The following TPR variants were observed in gnomAD, a reference collection of about 807,000 sequenced individuals.
TPR encodes nucleoprotein TPR.
Under a neutral mutation model 316.1 loss-of-function variants are expected in TPR, and 51 were observed. The ratio of observed to expected loss-of-function variants is 0.16; its 90% CI spans 0.13 to 0.20. TPR has a LOEUF of 0.20. Ranked by LOEUF, TPR falls within the 10% of genes least tolerant of loss-of-function variation. The pLI is 1.00. For synonymous variants in TPR, 981 were observed against 914.7 expected (o/e 1.07, Z -1.31); for missense variants, 2,272 against 2,754.8 (o/e 0.82, Z 3.92).
Position 186,313,950 on chromosome 1 carries a change from T to C in TPR, c.*21A>G, listed in dbSNP as rs370450064. 1.1e-5 allele frequency: 17 copies of C among 1,608,092 alleles called. No individual in the cohort carries two copies. In the African/African-American group the frequency reaches 1.9e-4, roughly 18 times the overall value. On this transcript the variant is annotated 3_prime_UTR_variant, in exon 51 of 51. Coordinates refer to ENST00000367478, the MANE Select transcript of TPR (RefSeq NM_003292.3). ...ACAGATTTGATAATCTTATTCACAG[T>C]TGTTATTGTTTACAGACCATTTAAT...
intron 2 of TPR, among the ~76,000 whole-genome samples, chr1:186,372,802 A>T (rs983328103): frequency 6.6e-6 from 1 of 152,212 alleles, no homozygotes. Flanking sequence ...ATGATGTAAG[A>T]AAAGTAAGAA....
chr1:186,322,735 G>T, intron 43 of TPR, 149 bp from the exon 44 acceptor site: 1 of 727,746 alleles, frequency 1.4e-6, no homozygotes, highest in Non-Finnish European at 2.3e-6. Context: ...AACCTGCCAA[G>T]AAATCACTTT....
At chr1:186,365,102 C>CTTTCTT (rs1659303074) in intron 4 of TPR, among the ~76,000 whole-genome samples, 1 of 137,190 alleles carries the variant, frequency 7.3e-6, no homozygotes, top group Non-Finnish European at 1.6e-5. Flanking sequence ...AGGGGCTGCC[C>CTTTCTT]TTTTTTTTTT....
rs758344610 is a variant in TPR, at chr1:186,343,356, A to G, written c.3720T>C (p.Asp1240=). ...CTTTCTCCCTTTCAGCATTTAGACT[A>G]TCTTGCAGTTCCTGCAGCTCTCTTT... is the stretch of plus-strand genomic sequence containing the variant. ...LLERELQELQ[D]SLNAEREKVQ... is the part of the protein sequence containing the mutation. The change falls in exon 27 of 51, where the codon GAT becomes GAC. Residue 1240 remains aspartate, a synonymous_variant. Coordinates refer to ENST00000367478, the MANE Select transcript of TPR (RefSeq NM_003292.3). 63 of 1,613,878 alleles carry G rather than the reference A, an allele frequency of 3.9e-5. No homozygotes were observed. The highest frequency in any genetic ancestry group is 5.2e-5 in the Non-Finnish European group (61 of 1,179,966).
chr1:186,374,056 G>C (rs1449010247), intron 1 of TPR, among the ~76,000 whole-genome samples: 1 of 152,130 alleles, frequency 6.6e-6, no homozygotes, highest in Non-Finnish European at 1.5e-5. Context: ...TAATTTTCAA[G>C]GTCAATTCTG....
Position 186,337,273 on chromosome 1 carries a change from T to C in TPR, c.4363-117A>G, listed in dbSNP as rs1001382272. The stretch of plus-strand genomic sequence containing the variant: ...CAAAGAAATTTTATCCCTGAAGGTA[T>C]TCAAAACAGAATTTTCTATGAAACA... On this transcript the variant is annotated intron_variant, in intron 31 of 50. Transcript: ENST00000367478. 10 of 1,271,694 alleles carry C rather than the reference T, an allele frequency of 7.9e-6. No homozygotes were observed. The African/African-American group carries it at 1.5e-4, about 19-fold the overall frequency. 78.8% of individuals were successfully genotyped at this position (1,271,694 alleles called of 1,614,324 possible).
At chr1:186,334,911 TG>T (rs1264118481) in intron 35 of TPR, among the ~76,000 whole-genome samples, 156 bp downstream of exon 35, 4 of 152,166 alleles carry the variant, frequency 2.6e-5, no homozygotes, top group Admixed American at 2.6e-4. Context: ...GAAAACAAGC[TG>T]GCAAATACAT....
chr1:186,374,753 T>G, intron 1 of TPR, 125 bp downstream of exon 1: 1 of 1,004,132 alleles, frequency 1.0e-6, no homozygotes, highest in African/African-American at 1.6e-5. Context: ...AGGCTCAGGA[T>G]ATCCACAGAG....
chr1:186,372,727 C>T (rs557736616), intron 2 of TPR, among the ~76,000 whole-genome samples: 9 of 152,172 alleles, frequency 5.9e-5, no homozygotes, highest in East Asian at 1.9e-4. Flanking sequence ...AAGCAAAGCA[C>T]AAGACATATC....
Position 186,311,699 on chromosome 1 carries a change from G to A in TPR, c.*2272C>T. 2 of 1,225,320 alleles carry A rather than the reference G, an allele frequency of 1.6e-6. No individual in the cohort carries two copies. Among genetic ancestry groups the A allele is most frequent in the Non-Finnish European group, 2.4e-6 (2 of 850,224 alleles). 75.9% of individuals were successfully genotyped at this position (1,225,320 alleles called of 1,614,324 possible). ...CTGTCAAAAGATATCTTTAATGGCT[G>A]AAATCAAATATTTTCAGTGAAAAAA... On this transcript the variant is annotated 3_prime_UTR_variant, in exon 51 of 51. Transcript: ENST00000367478.
At chr1:186,315,218 AAAC>A (rs1336071273) in intron 49 of TPR, among the ~76,000 whole-genome samples, 4 of 146,678 alleles carry the variant, frequency 2.7e-5, no homozygotes, top group Admixed American at 6.7e-5. Flanking sequence ...AAAAAAAAAC[AAAC>A]AAACAAACAA....
At position 186,332,067 on chromosome 1, in the gene TPR, T is replaced by G. The variant is rs993003776; in HGVS notation, c.5604+128A>C. On this transcript the variant is annotated intron_variant, in intron 38 of 50. Coordinates refer to ENST00000367478, the MANE Select transcript of TPR (RefSeq NM_003292.3). ...TTGTCAGTGGAATCTTTGTAGAAAG[T>G]TCAATAAAAGTGTTTTCCAGATAAT... 10 of 988,406 alleles carry G rather than the reference T, an allele frequency of 1.0e-5. No individual in the cohort carries two copies. In the East Asian group the frequency reaches 2.8e-4, roughly 28 times the overall value. 61.2% of individuals were successfully genotyped at this position (988,406 alleles called of 1,614,324 possible).
Position 186,361,001 on chromosome 1 carries a change from A to C in TPR, c.959-96T>G, listed in dbSNP as rs995394980. The stretch of plus-strand genomic sequence containing the variant: ...TCAGTCACTTCTCCCCTCAGCAGAT[A>C]ATATTAAATTTCTAGAGAGGCTTCA... On this transcript the variant is annotated intron_variant, in intron 9 of 50. Coordinates refer to ENST00000367478, the MANE Select transcript of TPR (RefSeq NM_003292.3). 2.1e-5 allele frequency: 27 copies of C among 1,273,790 alleles called. No individual in the cohort carries two copies. The Admixed American group carries it at 3.6e-4, about 17-fold the overall frequency. The allele number at this position is 1,273,790 out of a possible 1,614,324, so 78.9% of individuals were successfully genotyped here.
intron 50 of TPR, chr1:186,314,261 C>G: frequency 2.2e-6 from 1 of 463,740 alleles, no homozygotes; most frequent in Non-Finnish European, 3.8e-6. Context: ...TACACTTTTA[C>G]TAGCTAAAAC....
At chr1:186,351,547 A>C in intron 19 of TPR, 77 bp from the exon 20 acceptor site, 1 of 1,445,632 alleles carries the variant, frequency 6.9e-7, no homozygotes, top group African/African-American at 1.4e-5. Flanking sequence ...GGCAAGAAAG[A>C]ATTACAATAT....
chr1:186,341,206 T>G, intron 28 of TPR, 46 bp downstream of exon 28: 1 of 1,612,836 alleles, frequency 6.2e-7, no homozygotes, highest in Non-Finnish European at 8.5e-7. Context: ...AATTCATTTA[T>G]TATTAAAAAC....
Position 186,346,281 on chromosome 1 carries a change from C to T in TPR, c.2950G>A (p.Glu984Lys), listed in dbSNP as rs775679445. The T allele has an allele frequency of 1.2e-6, 2 of 1,612,120 alleles. No homozygotes were observed. The highest frequency in any genetic ancestry group is 1.7e-6 in the Non-Finnish European group (2 of 1,179,278). The part of the protein sequence containing the change: ...ESLNKEKQVT[E>K]EVRKNIEVRL... ...ACTTCAATATTCTTACGCACTTCTT[C>T]TGTCACCTTTACCATATTACAAACA... The change falls in exon 23 of 51, where the codon GAA becomes AAA. Residue 984 changes from glutamate (E) to lysine (K), a missense_variant. Glu to Lys is a moderately conservative substitution (Grantham distance 56, BLOSUM62 1). Transcript: ENST00000367478.
intron 7 of TPR, 104 bp from the exon 8 acceptor site, chr1:186,361,973 T>C (rs1018745708): frequency 4.0e-6 from 4 of 1,011,232 alleles, no homozygotes; most frequent in Admixed American, 5.4e-5. Flanking sequence ...AAGAGCTAAA[T>C]CTAAAACACT....
chr1:186,373,811 TTTAGACA>T (rs2101996511), intron 1 of TPR, among the ~76,000 whole-genome samples: 1 of 152,280 alleles, frequency 6.6e-6, no homozygotes, highest in African/African-American at 2.4e-5. Flanking sequence ...GAAAAAATTG[TTTAGACA>T]AAAAAAAACT....
Sources: allele counts gnomAD v4.1 joint callset (sites outside exome capture counted in the v4.1 genomes callset), GRCh38; gene constraint gnomAD v4.1.1; transcripts MANE v1.5; gene names NCBI Gene and HGNC (gene_info 2026-07-23, HGNC 2026-07-21).